Variants in SLC36A1 observed in about 807,000 individuals in gnomAD.
SLC36A1 encodes solute carrier family 36 member 1.
SLC36A1 carries 30 observed loss-of-function variants against 47.5 expected under a neutral mutation model. The observed-to-expected ratio is 0.63, with a 90% CI of 0.47 to 0.86. SLC36A1 has a LOEUF of 0.86. Among genes scored for constraint, SLC36A1 ranks in the 40% least tolerant of loss-of-function variants. The probability of loss-of-function intolerance (pLI) is 0.00; values close to 1 mark genes in which losing one functional copy is unlikely to be tolerated. For missense variants in SLC36A1, 517 were observed against 606.0 expected (o/e 0.85, Z 1.54); for synonymous variants, 255 against 249.7 (o/e 1.02, Z -0.20).
upstream of SLC36A1, among the ~76,000 whole-genome samples, chr5:151,446,593 T>G (rs1752936013): frequency 2.0e-5 from 3 of 150,954 alleles, no homozygotes; most frequent in Admixed American, 1.3e-4. Flanking sequence ...AGATTCCTCC[T>G]GTCATTGATT....
At chr5:151,433,266 A>ATTTTTTTTTTTT (rs869250950), upstream of SLC36A1, among the ~76,000 whole-genome samples, 1 of 9,404 alleles carries the variant, frequency 1.1e-4, no homozygotes, top group Non-Finnish European at 2.0e-4. Context: ...ATATATATAT[A>ATTTTTTTTTTTT]TTTTTTTTTT....
At chr5:151,534,970 A>AATATATATATATATATAT in the SLC36A1 span, among the ~76,000 whole-genome samples, 697 of 106,264 alleles carry the variant, frequency 6.6e-3, 22 homozygotes, top group African/African-American at 0.015. Context: ...CTTCTAGGAA[A>AATATATATATATATATAT]ATATATATAT....
the SLC36A1 span, among the ~76,000 whole-genome samples, chr5:151,517,107 CAA>C: frequency 1.4e-4 from 13 of 90,930 alleles, no homozygotes; most frequent in Non-Finnish European, 1.4e-4. Context: ...GACTCCATCT[CAA>C]AAAAAAAAAA....
chr5:151,446,765 G>A (rs1440938135), upstream of SLC36A1, among the ~76,000 whole-genome samples: 4 of 152,280 alleles, frequency 2.6e-5, no homozygotes, highest in Admixed American at 2.6e-4. Flanking sequence ...GGAAAGTTCT[G>A]TATATATCTG....
At chr5:151,435,821 A>G (rs995575336), upstream of SLC36A1, among the ~76,000 whole-genome samples, 2 of 146,096 alleles carry the variant, frequency 1.4e-5, no homozygotes, top group Admixed American at 6.8e-5. Context: ...AAATATGACT[A>G]TAAATATATC....
chr5:151,537,645 A>G, the SLC36A1 span: 2 of 684,544 alleles, frequency 2.9e-6, no homozygotes, highest in Non-Finnish European at 4.7e-6. Flanking sequence ...TTATGTCCCC[A>G]GTACAATGCT....
chr5:151,451,904 A>C (rs1259060432), intron 1 of SLC36A1, among the ~76,000 whole-genome samples: 1 of 152,092 alleles, frequency 6.6e-6, no homozygotes, highest in Non-Finnish European at 1.5e-5. Context: ...AGAATACTGG[A>C]CTGGGATGCT....
the SLC36A1 span, chr5:151,545,923 A>G: frequency 1.9e-6 from 3 of 1,614,178 alleles, no homozygotes; most frequent in South Asian, 1.1e-5. Flanking sequence ...TGCACCTGCC[A>G]TATTGCTGCC....
the SLC36A1 span, among the ~76,000 whole-genome samples, chr5:151,353,477 C>T: frequency 6.6e-6 from 1 of 152,140 alleles, no homozygotes; most frequent in South Asian, 2.1e-4. Flanking sequence ...TTCCCATATA[C>T]CCCCAGCCCC....
the SLC36A1 span, among the ~76,000 whole-genome samples, chr5:151,551,203 T>G: frequency 6.6e-6 from 1 of 152,178 alleles, no homozygotes; most frequent in African/African-American, 2.4e-5. Flanking sequence ...ATCATCCCCC[T>G]ATACCCATAG....
At chr5:151,412,676 T>A in the SLC36A1 span, 1 of 142,624 alleles carries the variant, frequency 7.0e-6, no homozygotes, top group Non-Finnish European at 1.5e-5. Context: ...AGATGTGACA[T>A]CCACGGTGGG....
At chr5:151,527,951 C>G in the SLC36A1 span, 1 of 1,599,926 alleles carries the variant, frequency 6.3e-7, no homozygotes, top group Non-Finnish European at 8.5e-7. Flanking sequence ...GGGACTGTGT[C>G]TCTGCTCTAA....
chr5:151,537,612 A>G, the SLC36A1 span, among the ~76,000 whole-genome samples: 1 of 152,176 alleles, frequency 6.6e-6, no homozygotes, highest in Non-Finnish European at 1.5e-5. Flanking sequence ...AAAGGCCCAA[A>G]TCTTGTCTTA....
At chr5:151,454,806 G>A (rs1425875060) in intron 1 of SLC36A1, among the ~76,000 whole-genome samples, 11 of 141,594 alleles carry the variant, frequency 7.8e-5, no homozygotes, top group African/African-American at 2.4e-4. Flanking sequence ...TCCGCCTCCC[G>A]GGTTCACACC....
chr5:151,505,643 C>T, the SLC36A1 span: 7 of 1,614,174 alleles, frequency 4.3e-6, no homozygotes, highest in Non-Finnish European at 5.1e-6. Flanking sequence ...GCACCCGGGG[C>T]TGGCCCTGGC....
the SLC36A1 span, among the ~76,000 whole-genome samples, chr5:151,395,084 C>T: frequency 6.6e-6 from 1 of 152,222 alleles, no homozygotes; most frequent in African/African-American, 2.4e-5. Flanking sequence ...GCTTTGTTTA[C>T]CTACTCAAGC....
chr5:151,410,157 A>G, the SLC36A1 span, among the ~76,000 whole-genome samples: 1 of 152,220 alleles, frequency 6.6e-6, no homozygotes, highest in South Asian at 2.1e-4. Context: ...ACTTGGCTCC[A>G]GAGTTACCAG....
At chr5:151,510,135 T>C in the SLC36A1 span, 1 of 1,614,114 alleles carries the variant, frequency 6.2e-7, no homozygotes. Flanking sequence ...TTGTTCACAG[T>C]GCTTCCCAGA....
At chr5:151,371,657 GC>G in the SLC36A1 span, among the ~76,000 whole-genome samples, 1 of 152,124 alleles carries the variant, frequency 6.6e-6, no homozygotes, top group Non-Finnish European at 1.5e-5. Context: ...ATTTGGAAAA[GC>G]AAATTTTAGA....
Sources: gnomAD v4.1 joint callset for allele counts (sites outside exome capture counted in the v4.1 genomes callset) on GRCh38, gnomAD v4.1.1 for gene constraint, MANE v1.5 for transcripts, NCBI Gene and HGNC (gene_info 2026-07-23, HGNC 2026-07-21) for gene names.